FCRL4: variants seen among roughly 807,000 people sequenced by gnomAD.
FCRL4 encodes the protein Fc receptor like 4.
FCRL4 carries 43 observed loss-of-function variants against 64.1 expected under a neutral mutation model. That is an observed-to-expected ratio of 0.67 (90% confidence interval 0.53 to 0.87). The LOEUF is 0.87. Among genes scored for constraint, FCRL4 ranks in the 40% least tolerant of loss-of-function variants. The pLI, the probability that FCRL4 is intolerant of heterozygous loss-of-function variation, is 0.00. For synonymous variants in FCRL4, 253 were observed against 239.8 expected (o/e 1.05, Z -0.51); for missense variants, 656 against 613.5 (o/e 1.07, Z -0.73).
At chr1:157,592,236 A>C (rs962264603) in intron 2 of FCRL4, among the ~76,000 whole-genome samples, 19 of 152,218 alleles carry the variant, frequency 1.2e-4, no homozygotes, top group Non-Finnish European at 2.6e-4. Flanking sequence ...AAAAGCCAAA[A>C]TAGACAAATG....
chr1:157,589,601 G>T, intron 2 of FCRL4, 143 bp from the exon 3 acceptor site: 1 of 1,063,952 alleles, frequency 9.4e-7, no homozygotes, highest in Non-Finnish European at 1.3e-6. Context: ...GGTTGCAGGT[G>T]AGCTGTGCTC....
chr1:157,576,074 C>T (rs997170966), intron 10 of FCRL4, among the ~76,000 whole-genome samples: 1 of 152,130 alleles, frequency 6.6e-6, no homozygotes, highest in African/African-American at 2.4e-5. Context: ...TCACCACCCC[C>T]GATTGTTTGG....
rs143197017 is a variant in FCRL4, at chr1:157,597,214, A to G, written c.31+700T>C. Among the ~76,000 whole-genome samples, 756 of 152,138 alleles carry G rather than the reference A, an allele frequency of 5.0e-3. 4 individuals are homozygous for G. Among genetic ancestry groups the G allele is most frequent in the African/African-American group, 0.016 (670 of 41,494 alleles). On this transcript the variant is annotated intron_variant, in intron 1 of 11. Transcript: ENST00000271532. ...GCATGCCAAGTATACCCATCCACTC[A>G]CTCCTTAGTTCCTATCATGTGCCAA... is the stretch of plus-strand genomic sequence containing the variant.
At chr1:157,595,300 T>G (rs1036985189) in intron 2 of FCRL4, among the ~76,000 whole-genome samples, 1 of 152,218 alleles carries the variant, frequency 6.6e-6, no homozygotes, top group East Asian at 1.9e-4. Flanking sequence ...CTGAAGAGAA[T>G]AGAAAACCCT....
intron 2 of FCRL4, among the ~76,000 whole-genome samples, chr1:157,594,843 A>G (rs1238439955): frequency 6.6e-6 from 1 of 152,228 alleles, no homozygotes. Flanking sequence ...CATGTTTTAC[A>G]TGAAGAAGCT....
At position 157,580,273 on chromosome 1, in the gene FCRL4, T is replaced by C. The variant is rs768453752; in HGVS notation, c.1277+48A>G. 1.9e-6 allele frequency: 3 copies of C among 1,607,590 alleles called. No individual in the cohort carries two copies. In the East Asian group the frequency reaches 6.7e-5, roughly 36 times the overall value. ...TTTCATAACCCCACAGTTTTGCATA[T>C]TGTGTACTCGGGAAACTAAAAAGGA... On this transcript the variant is annotated intron_variant, in intron 8 of 11. Coordinates refer to ENST00000271532, the MANE Select transcript of FCRL4 (RefSeq NM_031282.3).
chr1:157,587,628 G>A, intron 4 of FCRL4, 68 bp from the exon 5 acceptor site: 9 of 1,517,666 alleles, frequency 5.9e-6, no homozygotes, highest in Non-Finnish European at 7.2e-6. Context: ...GACAGGTTTG[G>A]ATGCTCAGTC....
rs566963699 is a variant in FCRL4, at chr1:157,578,376, A to T, written c.1429+98T>A. 1.9e-4 allele frequency: 191 copies of T among 1,025,256 alleles called. 4 individuals carry two copies. The South Asian group carries it at 2.2e-3, about 12-fold the overall frequency. 63.5% of individuals were successfully genotyped at this position (1,025,256 alleles called of 1,614,324 possible). A position where few individuals can be genotyped will look rare whatever the true frequency, so the allele number is the denominator to read the frequency against. ...TGCCTTGTTTACTGATTGACTTCCC[A>T]TACTTACAAGAATACCTAGCACATA... is the stretch of plus-strand genomic sequence containing the variant. On this transcript the variant is annotated intron_variant, in intron 10 of 11. Transcript: ENST00000271532.
intron 1 of FCRL4, 112 bp downstream of exon 1, chr1:157,597,802 G>A: frequency 1.4e-6 from 1 of 711,188 alleles, no homozygotes; most frequent in Non-Finnish European, 2.4e-6. Flanking sequence ...TTCATTTTCT[G>A]CTGTTCTAAA....
intron 6 of FCRL4, among the ~76,000 whole-genome samples, chr1:157,585,345 T>TCTTC (rs1553276892): frequency 0.01 from 137 of 13,630 alleles, 4 homozygotes; most frequent in African/African-American, 0.04. Context: ...TTTCTCTCTC[T>TCTTC]CTTTCTTTCT....
At chr1:157,585,053 T>G (rs1295007298) in intron 6 of FCRL4, among the ~76,000 whole-genome samples, 2 of 152,136 alleles carry the variant, frequency 1.3e-5, no homozygotes, top group Admixed American at 1.3e-4. Context: ...TCCACTGGCC[T>G]TAGAAATATG....
At chr1:157,585,920 C>G (rs1652679628) in intron 6 of FCRL4, among the ~76,000 whole-genome samples, 1 of 152,004 alleles carries the variant, frequency 6.6e-6, no homozygotes, top group African/African-American at 2.4e-5. Flanking sequence ...CACAATGGAC[C>G]CAAACACAGA....
chr1:157,583,639 A>G (rs1167201010), intron 6 of FCRL4, among the ~76,000 whole-genome samples: 3 of 152,182 alleles, frequency 2.0e-5, no homozygotes, highest in African/African-American at 7.2e-5. Flanking sequence ...AAGAATCCAA[A>G]TTATATTAGT....
At chr1:157,592,923 C>A (rs1386246814) in intron 2 of FCRL4, among the ~76,000 whole-genome samples, 1 of 152,200 alleles carries the variant, frequency 6.6e-6, no homozygotes, top group Non-Finnish European at 1.5e-5. Flanking sequence ...ATGATGAGTT[C>A]ATGTCCTTTG....
At chr1:157,588,187 A>G in intron 3 of FCRL4, 68 bp from the exon 4 acceptor site, 2 of 1,514,312 alleles carry the variant, frequency 1.3e-6, no homozygotes, top group East Asian at 2.3e-5. Context: ...CTCTTGAATT[A>G]CAAAGGCTTT....
chr1:157,583,677 G>T (rs2101678951), intron 6 of FCRL4, among the ~76,000 whole-genome samples: 2 of 152,258 alleles, frequency 1.3e-5, no homozygotes, highest in East Asian at 1.9e-4. Context: ...CCAGCCTCCA[G>T]AACTATGAGG....
At position 157,574,483 on chromosome 1, in the gene FCRL4, G is replaced by A. The variant is rs1373730201; in HGVS notation, c.*1041C>T. Reference sequence around the variant, plus strand: ...TTTTTGTCAATTATTTAACCAGTAGGTGTATCATGAAATATCCATACAAAT... The same window carrying A: ...TTTTTGTCAATTATTTAACCAGTAGATGTATCATGAAATATCCATACAAAT... On this transcript the variant is annotated 3_prime_UTR_variant, in exon 12 of 12. Transcript: ENST00000271532. 3 of 211,400 alleles carry A rather than the reference G, an allele frequency of 1.4e-5. No individual in the cohort carries two copies. The highest frequency in any genetic ancestry group is 2.3e-5 in the African/African-American group (1 of 44,248). The allele number at this position is 211,400 out of a possible 1,614,324, so 13.1% of individuals were successfully genotyped here.
rs72996990 is a variant in FCRL4 at position 157,594,189 on chromosome 1, C to T, written c.52+2139G>A. Among the ~76,000 whole-genome samples the T allele has an allele frequency of 6.3e-3, 958 of 152,280 alleles. 10 individuals carry two copies. The highest frequency in any genetic ancestry group is 0.022 in the African/African-American group (917 of 41,542). On this transcript the variant is annotated intron_variant, in intron 2 of 11. Coordinates refer to ENST00000271532, the MANE Select transcript of FCRL4 (RefSeq NM_031282.3). ...AATGCTCTTCTCTCTAACCTTCTGCCCACTAATGTGTTTGAAAAAATGAAG... is the reference window on the plus strand; with the variant it reads ...AATGCTCTTCTCTCTAACCTTCTGCTCACTAATGTGTTTGAAAAAATGAAG...
At chr1:157,585,336 T>TCTC (rs1652650763) in intron 6 of FCRL4, among the ~76,000 whole-genome samples, 1 of 129,740 alleles carries the variant, frequency 7.7e-6, no homozygotes, top group Non-Finnish European at 1.6e-5. Context: ...CTCTCTTTCT[T>TCTC]TCTCTCTCTC....
Sources: allele counts gnomAD v4.1 joint callset (sites outside exome capture counted in the v4.1 genomes callset), GRCh38; gene constraint gnomAD v4.1.1; transcripts MANE v1.5; gene names NCBI Gene and HGNC (gene_info 2026-07-23, HGNC 2026-07-21).